DOCK1: variants seen among roughly 807,000 people sequenced by gnomAD.
DOCK1 encodes dedicator of cytokinesis protein 1.
DOCK1 carries 138 observed loss-of-function variants against 262.7 expected under a neutral mutation model. The observed-to-expected ratio is 0.53, with a 90% CI of 0.46 to 0.61. DOCK1 has a LOEUF of 0.61. Among genes scored for constraint, DOCK1 ranks in the 20% least tolerant of loss-of-function variants. The pLI, the probability that DOCK1 is intolerant of heterozygous loss-of-function variation, is 0.00. For synonymous variants in DOCK1, 866 were observed against 867.4 expected (o/e 1.00, Z 0.03); for missense variants, 1,908 against 2,370.7 (o/e 0.80, Z 4.05).
chr10:127,347,751 G>GC (rs1467021176), intron 31 of DOCK1, among the ~76,000 whole-genome samples: 1 of 150,914 alleles, frequency 6.6e-6, no homozygotes, highest in Non-Finnish European at 1.5e-5. Context: ...GCTCAGCACT[G>GC]CCTCCATCTG....
intron 27 of DOCK1, among the ~76,000 whole-genome samples, chr10:127,226,238 C>T (rs1457863325): frequency 6.6e-6 from 1 of 152,176 alleles, no homozygotes; most frequent in East Asian, 1.9e-4. Flanking sequence ...GCATAAGGCT[C>T]AAGAAAAACT....
At chr10:127,083,177 C>T (rs1218440813) in intron 23 of DOCK1, among the ~76,000 whole-genome samples, 4 of 152,214 alleles carry the variant, frequency 2.6e-5, no homozygotes, top group African/African-American at 9.6e-5. Flanking sequence ...ATGCTCTTGG[C>T]CATTGAACAT....
intron 3 of DOCK1, among the ~76,000 whole-genome samples, chr10:126,978,616 C>T (rs954488305): frequency 2.0e-5 from 3 of 152,110 alleles, no homozygotes; most frequent in African/African-American, 7.2e-5. Flanking sequence ...TTTCATTCTA[C>T]GATGTTAAGA....
intron 27 of DOCK1, among the ~76,000 whole-genome samples, chr10:127,215,880 A>G (rs2058187353): frequency 6.6e-6 from 1 of 151,626 alleles, no homozygotes; most frequent in African/African-American, 2.4e-5. Flanking sequence ...TAATCCCTGC[A>G]GTGAAACAAG....
chr10:127,052,999 G>T (rs1033791887), intron 22 of DOCK1, among the ~76,000 whole-genome samples, 184 bp downstream of exon 22: 4 of 151,994 alleles, frequency 2.6e-5, no homozygotes, highest in Admixed American at 2.6e-4. Flanking sequence ...TTCCTTACCC[G>T]CCTGGGTCCC....
chr10:127,362,219 A>AC lies in DOCK1; in HGVS notation c.3432+8dup. The AC allele has an allele frequency of 6.2e-7, 1 of 1,611,274 alleles. No homozygotes were observed. Among genetic ancestry groups the AC allele is most frequent in the Non-Finnish European group, 8.5e-7 (1 of 1,178,894 alleles). ...GACCCGAAGCTTCCAAATGGTAAGG[A>AC]CGTAGATGTGCAGCGAGTGGCCGGG... On this transcript the variant is annotated splice_region_variant and intron_variant, in intron 33 of 51. Transcript: ENST00000623213.
chr10:126,905,684 C>T (rs2030609804), intron 1 of DOCK1, 121 bp downstream of exon 1: 1 of 148,480 alleles, frequency 6.7e-6, no homozygotes, highest in African/African-American at 2.5e-5. Context: ...GGCGCTTCCG[C>T]CCGCGCCCGC....
intron 19 of DOCK1, among the ~76,000 whole-genome samples, chr10:127,040,847 C>A (rs1426197633): frequency 1.3e-5 from 2 of 152,202 alleles, no homozygotes; most frequent in Admixed American, 1.3e-4. Flanking sequence ...TGGAGTTGTA[C>A]AACTATTACC....
chr10:127,017,337 TCA>T (rs147034815), intron 12 of DOCK1, among the ~76,000 whole-genome samples: 2 of 146,260 alleles, frequency 1.4e-5, no homozygotes, highest in Admixed American at 6.7e-5. Flanking sequence ...ATATATACAC[TCA>T]CACAGATACA....
intron 29 of DOCK1, among the ~76,000 whole-genome samples, chr10:127,332,721 T>A (rs1440299897): frequency 6.6e-6 from 1 of 152,178 alleles, no homozygotes; most frequent in Non-Finnish European, 1.5e-5. Flanking sequence ...TTCTTAGAAG[T>A]CACTTCTTTC....
Position 127,037,179 on chromosome 10 carries a change from C to G in DOCK1, c.1913-540C>G, listed in dbSNP as rs1282593827. Reference sequence around the variant, plus strand: ...GCCCAGACATGGTGAGGGCCGGAAGCTCACTCAGTGCAGGCGTGAACCTCA... The same window carrying G: ...GCCCAGACATGGTGAGGGCCGGAAGGTCACTCAGTGCAGGCGTGAACCTCA... On this transcript the variant is annotated intron_variant, in intron 18 of 51. Transcript: ENST00000623213. Among the ~76,000 whole-genome samples the G allele has an allele frequency of 3.3e-5, 5 of 152,180 alleles. No individual in the cohort carries two copies. The South Asian group carries it at 8.3e-4, about 25-fold the overall frequency.
At chr10:126,948,817 C>G (rs1384033191) in intron 1 of DOCK1, among the ~76,000 whole-genome samples, 1 of 152,064 alleles carries the variant, frequency 6.6e-6, no homozygotes, top group Non-Finnish European at 1.5e-5. Context: ...CATCCTCTCC[C>G]TCAAAGGGAA....
rs1226359708 is a variant in DOCK1 at position 126,967,763 on chromosome 10, A to C, written c.47-2939A>C. Among the ~76,000 whole-genome samples the C allele has an allele frequency of 2.0e-5, 3 of 152,038 alleles. 1 individual carries two copies. The South Asian group carries it at 6.2e-4, about 32-fold the overall frequency. On this transcript the variant is annotated intron_variant, in intron 1 of 51. Coordinates refer to ENST00000623213, the MANE Select transcript of DOCK1 (RefSeq NM_001290223.2). ...CTCTTATAAGGACCTTTGTGATTAC[A>C]TTGGGCCCACCTGGATTGATCCAGG... is the stretch of plus-strand genomic sequence containing the variant.
intron 27 of DOCK1, among the ~76,000 whole-genome samples, chr10:127,209,289 A>C (rs940944970): frequency 2.6e-5 from 4 of 152,238 alleles, no homozygotes; most frequent in Non-Finnish European, 5.9e-5. Flanking sequence ...ATGAAAATGC[A>C]AGTGCATGTG....
chr10:127,371,944 GA>G (rs551647219), intron 33 of DOCK1, among the ~76,000 whole-genome samples: 3 of 152,064 alleles, frequency 2.0e-5, no homozygotes, highest in East Asian at 1.9e-4. Context: ...GATTTCAGGA[GA>G]AAAAAAATCT....
At chr10:127,258,180 G>A (rs1278782247) in intron 29 of DOCK1, among the ~76,000 whole-genome samples, 4 of 152,146 alleles carry the variant, frequency 2.6e-5, no homozygotes, top group African/African-American at 7.2e-5. Flanking sequence ...GTTGAGTTGT[G>A]TAGTTTCAGC....
intron 25 of DOCK1, among the ~76,000 whole-genome samples, chr10:127,119,793 G>A (rs1226902037): frequency 6.6e-6 from 1 of 152,174 alleles, no homozygotes. Flanking sequence ...TGTTTTCAAT[G>A]GACAAATTCA....
At chr10:127,130,840 AAG>A (rs1362829601) in intron 27 of DOCK1, among the ~76,000 whole-genome samples, 2 of 152,160 alleles carry the variant, frequency 1.3e-5, no homozygotes, top group African/African-American at 2.4e-5. Flanking sequence ...TCCCTTCTAT[AAG>A]ACACAGGCAC....
chr10:127,180,283 G>T (rs2055601623), intron 27 of DOCK1, among the ~76,000 whole-genome samples: 2 of 152,192 alleles, frequency 1.3e-5, no homozygotes, highest in African/African-American at 4.8e-5. Flanking sequence ...ATTCTGGACT[G>T]AGCATGAAGC....
Sources: allele counts gnomAD v4.1 joint callset (sites outside exome capture counted in the v4.1 genomes callset), GRCh38; gene constraint gnomAD v4.1.1; transcripts MANE v1.5; gene names NCBI Gene and HGNC (gene_info 2026-07-23, HGNC 2026-07-21).